Variants in PCDHA8 observed in about 807,000 individuals in gnomAD.
The protein encoded by PCDHA8 is protocadherin alpha 8.
In PCDHA8, 53 loss-of-function variants were observed where a neutral mutation model predicts 61.8. The ratio of observed to expected loss-of-function variants is 0.86; its 90% confidence interval spans 0.69 to 1.08. The LOEUF (loss-of-function observed/expected upper bound fraction) is 1.08, where lower values mean the gene tolerates loss of function less well. Ranked by LOEUF, PCDHA8 falls within the 50% of genes least tolerant of loss-of-function variation. The pLI is 0.00. For missense variants in PCDHA8, 1,293 were observed against 1,245.0 expected (o/e 1.04, Z -0.58); for synonymous variants, 618 against 556.6 (o/e 1.11, Z -1.55).
At chr5:140,908,958 T>C (rs555962129) in intron 1 of PCDHA8, among the ~76,000 whole-genome samples, 2 of 152,268 alleles carry the variant, frequency 1.3e-5, no homozygotes, top group East Asian at 3.9e-4. Context: ...AGAAGGAATA[T>C]CTTGATAGGC....
intron 1 of PCDHA8, chr5:140,876,671 C>T (rs782473628): frequency 3.1e-6 from 5 of 1,614,212 alleles, no homozygotes; most frequent in Non-Finnish European, 2.5e-6. Flanking sequence ...CTGGTGTCCA[C>T]CTACAAGAAT....
chr5:141,001,126 C>A (rs2097993222), intron 3 of PCDHA8, among the ~76,000 whole-genome samples: 1 of 151,970 alleles, frequency 6.6e-6, no homozygotes, highest in African/African-American at 2.4e-5. Context: ...AGTCCTTAAA[C>A]AAATGAATCT....
chr5:140,930,203 T>C (rs1486886896), intron 1 of PCDHA8: 6 of 152,202 alleles, frequency 3.9e-5, no homozygotes, highest in African/African-American at 1.4e-4. Flanking sequence ...ATGTCAGAAA[T>C]ATTTATGTGT....
chr5:140,926,827 C>G, intron 1 of PCDHA8: 1 of 1,500,674 alleles, frequency 6.7e-7, no homozygotes, highest in Non-Finnish European at 8.9e-7. Context: ...CTCCAGGAGT[C>G]CGGAGCATGG....
rs1777904033 is a variant in PCDHA8, at chr5:140,842,379, C to G, written c.1058C>G (p.Thr353Ser). 1.9e-6 allele frequency: 3 copies of G among 1,609,878 alleles called. No individual in the cohort carries two copies. In the Admixed American group the frequency reaches 5.0e-5, roughly 27 times the overall value. Residue 353 changes from threonine (T) to serine (S), a missense_variant, in exon 1 of 4, where the codon ACT (threonine) becomes AGT (serine). By Grantham distance (58) the Thr-to-Ser change is moderately conservative. Coordinates refer to ENST00000531613, the MANE Select transcript of PCDHA8 (RefSeq NM_018911.3). ...KNDNVPEIAL[T>S]SLSLPVREDA... Reference sequence around the variant, plus strand: ...GATAACGTCCCTGAGATAGCACTGACTTCCTTATCCTTGCCTGTACGTGAA... The same window carrying G: ...GATAACGTCCCTGAGATAGCACTGAGTTCCTTATCCTTGCCTGTACGTGAA...
intron 1 of PCDHA8, among the ~76,000 whole-genome samples, chr5:140,896,590 T>G (rs1338982892): frequency 6.6e-6 from 1 of 152,032 alleles, no homozygotes; most frequent in Non-Finnish European, 1.5e-5. Flanking sequence ...TTGGCCAGGC[T>G]GGTCTCGAAC....
intron 1 of PCDHA8, among the ~76,000 whole-genome samples, chr5:140,845,069 G>A (rs1323503087): frequency 6.7e-6 from 1 of 149,464 alleles, no homozygotes; most frequent in Non-Finnish European, 1.5e-5. Context: ...CCTCAAAGCA[G>A]CATTGTTTTG....
chr5:140,915,504 T>C (rs1554196920), intron 1 of PCDHA8, among the ~76,000 whole-genome samples: 1 of 152,136 alleles, frequency 6.6e-6, no homozygotes, highest in Non-Finnish European at 1.5e-5. Context: ...AATACTGTGG[T>C]TTTTGCAGAC....
At chr5:141,003,870 C>A (rs1345140541) in intron 3 of PCDHA8, among the ~76,000 whole-genome samples, 8 of 152,148 alleles carry the variant, frequency 5.3e-5, no homozygotes, top group Admixed American at 3.9e-4. Flanking sequence ...GTCTGAAATC[C>A]TCCTTCTAGC....
At position 140,843,679 on chromosome 5, in the gene PCDHA8, C is replaced by T. The variant is rs2150364894; in HGVS notation, c.2358C>T (p.Gly786=). Reference sequence around the variant, plus strand: ...CTGATCTGGGATCAGTTGATGTAGGCGAAGAGCAAGATTTAAATGTTGATC... The same window carrying T: ...CTGATCTGGGATCAGTTGATGTAGGTGAAGAGCAAGATTTAAATGTTGATC... ...LPPDLGSVDV[G]EEQDLNVDHG... is the part of the protein sequence containing the mutation. Residue 786 remains glycine, a synonymous_variant, in exon 1 of 4, where the codon GGC becomes GGT. Transcript: ENST00000531613. The T allele has an allele frequency of 6.3e-7, 1 of 1,589,886 alleles. No individual in the cohort carries two copies. The highest frequency in any genetic ancestry group is 8.6e-7 in the Non-Finnish European group (1 of 1,160,068).
At chr5:140,868,911 G>T in intron 1 of PCDHA8, 1 of 892,226 alleles carries the variant, frequency 1.1e-6, no homozygotes. Flanking sequence ...CTCTTTACTT[G>T]GTGGAAAGTT....
At chr5:140,896,894 T>A (rs1317627647) in intron 1 of PCDHA8, among the ~76,000 whole-genome samples, 6 of 152,208 alleles carry the variant, frequency 3.9e-5, no homozygotes, top group Admixed American at 2.0e-4. Context: ...TGAGACATTT[T>A]GATACAAGCA....
intron 1 of PCDHA8, chr5:140,927,062 T>C: frequency 6.2e-7 from 1 of 1,611,326 alleles, no homozygotes; most frequent in Non-Finnish European, 8.5e-7. Flanking sequence ...AACTTTCGCT[T>C]CCTTTCCAGC....
At chr5:140,877,438 G>A (rs1554169741) in intron 1 of PCDHA8, 1 of 1,613,892 alleles carries the variant, frequency 6.2e-7, no homozygotes, top group South Asian at 1.1e-5. Context: ...GGACCACGGT[G>A]AGCCCGCGCT....
intron 1 of PCDHA8, among the ~76,000 whole-genome samples, chr5:140,913,425 G>A (rs919355007): frequency 1.1e-4 from 16 of 152,094 alleles, no homozygotes; most frequent in African/African-American, 1.2e-4. Context: ...AGTATCAGTT[G>A]TAATGCCTCC....
intron 3 of PCDHA8, among the ~76,000 whole-genome samples, chr5:140,985,173 G>A (rs939430246): frequency 1.3e-5 from 2 of 152,154 alleles, no homozygotes; most frequent in Admixed American, 6.5e-5. Flanking sequence ...TCCTGACCTC[G>A]TAATCCGCCT....
intron 1 of PCDHA8, among the ~76,000 whole-genome samples, chr5:140,890,477 C>T (rs1255992157): frequency 2.0e-5 from 3 of 151,926 alleles, no homozygotes; most frequent in African/African-American, 7.3e-5. Flanking sequence ...ATTTTTTGTG[C>T]GTTATTTTTG....
intron 1 of PCDHA8, chr5:140,875,556 C>G (rs781896642): frequency 6.2e-7 from 1 of 1,614,128 alleles, no homozygotes; most frequent in East Asian, 2.2e-5. Flanking sequence ...AGGTGGGGAG[C>G]GGCCAGCTCC....
intron 1 of PCDHA8, chr5:140,927,351 G>A (rs782202644): frequency 1.4e-5 from 23 of 1,614,054 alleles, no homozygotes; most frequent in Non-Finnish European, 1.9e-5. Flanking sequence ...ATGACGACGA[G>A]GGAAGCAATG....
Sources: allele counts gnomAD v4.1 joint callset (sites outside exome capture counted in the v4.1 genomes callset), GRCh38; gene constraint gnomAD v4.1.1; transcripts MANE v1.5; gene names NCBI Gene and HGNC (gene_info 2026-07-23, HGNC 2026-07-21).